ALOX15: variants seen among roughly 807,000 people sequenced by gnomAD.
The protein encoded by ALOX15 is polyunsaturated fatty acid lipoxygenase ALOX15.
In ALOX15, 68 loss-of-function variants were observed where a neutral mutation model predicts 71.7. The ratio of observed to expected loss-of-function variants is 0.95; its 90% CI spans 0.78 to 1.16. The LOEUF (loss-of-function observed/expected upper bound fraction) is 1.16, where lower values mean the gene tolerates loss of function less well. Among genes scored for constraint, ALOX15 ranks in the 50% most tolerant of loss-of-function variants. The probability of loss-of-function intolerance (pLI) is 0.00; values close to 1 mark genes in which losing one functional copy is unlikely to be tolerated. For synonymous variants in ALOX15, 346 were observed against 333.3 expected, an observed-to-expected ratio of 1.04 and a Z score of -0.42; for missense variants, 798 against 818.8, an observed-to-expected ratio of 0.97 and a Z score of 0.31.
intron 7 of ALOX15, among the ~76,000 whole-genome samples, chr17:4,636,283 A>G (rs968820409): frequency 2.6e-5 from 4 of 152,004 alleles, no homozygotes; most frequent in African/African-American, 9.7e-5. Flanking sequence ...TCCATCCCAC[A>G]CTGTTTTTTG....
chr17:4,639,306 C>T, intron 2 of ALOX15, 124 bp downstream of exon 2: 7 of 1,395,924 alleles, frequency 5.0e-6, no homozygotes, highest in Non-Finnish European at 6.9e-6. Flanking sequence ...CCCTTCGACA[C>T]CCCCAAAGAC....
chr17:4,639,348 T>G, intron 2 of ALOX15, 82 bp downstream of exon 2: 1 of 1,542,618 alleles, frequency 6.5e-7, no homozygotes, highest in Non-Finnish European at 8.8e-7. Flanking sequence ...ACCCCCATCC[T>G]GCGCCCTCTT....
chr17:4,634,577 C>T (rs926865885), intron 8 of ALOX15, among the ~76,000 whole-genome samples: 3 of 151,932 alleles, frequency 2.0e-5, no homozygotes, highest in Non-Finnish European at 4.4e-5. Flanking sequence ...AATCTCACTC[C>T]ACCTCATTAA....
chr17:4,639,088 GGT>G lies in ALOX15; in HGVS notation c.380_381del (p.His127ProfsTer32), dbSNP rs1287266810. 18 of 1,614,146 alleles carry G rather than the reference GGT, an allele frequency of 1.1e-5. No individual in the cohort carries two copies. Among genetic ancestry groups the G allele is most frequent in the Non-Finnish European group, 1.4e-5 (17 of 1,180,014 alleles). On this transcript the variant is annotated frameshift_variant, in exon 3 of 14. Coordinates refer to ENST00000293761, the MANE Select transcript of ALOX15 (RefSeq NM_001140.5). LOFTEE classifies it high-confidence loss of function. The part of the protein sequence containing the change: ...GEDPQGLFQK[H>X]REEELEERRK... ...CTTCTCTCTTCCAGCTCTTCTTCCC[GGT>G]GTTTCTGGAACAGGCCCTGAGGGTC...
chr17:4,635,619 C>T (rs538451486), intron 8 of ALOX15, 140 bp downstream of exon 8: 1 of 814,472 alleles, frequency 1.2e-6, no homozygotes, highest in South Asian at 1.7e-5. Flanking sequence ...CAGCCCTGCT[C>T]ATTCTCTGTT....
rs138342123 is a variant in ALOX15 at position 4,632,004 on chromosome 17, G to A, written c.1694C>T (p.Pro565Leu). The change falls in exon 13 of 14, where the codon CCG becomes CTG. Residue 565 changes from proline (P) to leucine (L), a missense_variant. Physicochemically the swap from Pro to Leu is moderately conservative, Grantham distance 98. Coordinates refer to ENST00000293761, the MANE Select transcript of ALOX15 (RefSeq NM_001140.5). ...PNAPCTMRLPPPTTKDATLET... is the reference protein window; with the variant it reads ...PNAPCTMRLPLPTTKDATLET... ...CAGCGTTGCATCCTTGGTGGTTGGC[G>A]GGGGCAGCCGCATCGTGCAGGGTGC... The A allele has an allele frequency of 4.9e-4, 788 of 1,613,846 alleles. 1 individual carries two copies. The highest frequency in any genetic ancestry group is 6.1e-4 in the Non-Finnish European group (721 of 1,179,966).
rs138472652 is a variant in ALOX15, at chr17:4,631,891, T to C, written c.1807A>G (p.Met603Val). ...GGCCCTGGGCACTCAGCTCTCACCA[T>C]AACGGGCTGGCGTCTGCCCAGCTGC... ...TWQLGRRQPV[M>V]VAVGQHEEEY... The change falls in exon 13 of 14, where the codon ATG (methionine) becomes GTG (valine). Residue 603 changes from methionine (M) to valine (V), a missense_variant and splice_region_variant. Around this residue, in one of 3 missense-constraint regions of ALOX15, gnomAD observed 490 missense variants for 509.4 expected, o/e 0.96. Coordinates refer to ENST00000293761, the MANE Select transcript of ALOX15 (RefSeq NM_001140.5). The C allele has an allele frequency of 1.7e-3, 2,712 of 1,611,296 alleles. 5 individuals are homozygous for C. Among genetic ancestry groups the C allele is most frequent in the Middle Eastern group, 2.2e-3 (13 of 6,044 alleles).
chr17:4,631,809 G>T lies in ALOX15; in HGVS notation c.1810-30C>A. ...GAGGGAGAGGAAAAGGTGGCTGAGA[G>T]CCTTATGACCCCCAGTCTGGGATGC... On this transcript the variant is annotated intron_variant, in intron 13 of 13. Transcript: ENST00000293761. The T allele has an allele frequency of 1.9e-6, 3 of 1,612,864 alleles. No individual in the cohort carries two copies. The South Asian group carries it at 3.3e-5, about 18-fold the overall frequency.
chr17:4,631,543 A>G lies in ALOX15; in HGVS notation c.*57T>C. 6.3e-7 allele frequency: 1 copy of G among 1,596,574 alleles called. No homozygotes were observed. The highest frequency in any genetic ancestry group is 1.3e-5 in the African/African-American group (1 of 74,780). The stretch of plus-strand genomic sequence containing the variant: ...TGGGAGGGCAGGGCTATAACCACGA[A>G]GGGGTCAGCTTGTGGCTTGGGTGAT... On this transcript the variant is annotated 3_prime_UTR_variant, in exon 14 of 14. Coordinates refer to ENST00000293761, the MANE Select transcript of ALOX15 (RefSeq NM_001140.5).
intron 8 of ALOX15, among the ~76,000 whole-genome samples, chr17:4,635,189 G>A (rs1257795452): frequency 6.6e-6 from 1 of 151,836 alleles, no homozygotes; most frequent in Non-Finnish European, 1.5e-5. Context: ...CCAGCACTTT[G>A]GGAGACCTAG....
At position 4,633,519 on chromosome 17, in the gene ALOX15, G is replaced by A; in HGVS notation, c.1162-19C>T. 5.0e-6 allele frequency: 8 copies of A among 1,604,050 alleles called. No individual in the cohort carries two copies. The highest frequency in any genetic ancestry group is 6.8e-6 in the Non-Finnish European group (8 of 1,171,008). On this transcript the variant is annotated intron_variant, in intron 8 of 13. Transcript: ENST00000293761. ...TTATAAGCTAGAGGGAGAAACACAG[G>A]GAAGGGCAGAGTCAGAGGAGAGCTG...
At chr17:4,634,404 G>A (rs11568118) in intron 8 of ALOX15, among the ~76,000 whole-genome samples, 3 of 151,716 alleles carry the variant, frequency 2.0e-5, no homozygotes, top group Admixed American at 6.6e-5. Flanking sequence ...CTGGGTTCAC[G>A]CGATTCTCCT....
At position 4,631,180 on chromosome 17, in the gene ALOX15, G is replaced by A. The variant is rs1013988139; in HGVS notation, c.*420C>T. The A allele has an allele frequency of 3.7e-5, 6 of 162,304 alleles. No individual in the cohort carries two copies. Among genetic ancestry groups the A allele is most frequent in the Admixed American group, 1.8e-4 (3 of 17,092 alleles). The allele number at this position is 162,304 out of a possible 1,614,324, so 10.1% of individuals were successfully genotyped here. ...GGACGCTGAGGCTGCAGTGAGCCGT[G>A]GTGATGGCACCACTGCACTCCAGCC... On this transcript the variant is annotated 3_prime_UTR_variant, in exon 14 of 14. Transcript: ENST00000293761.
Position 4,641,531 on chromosome 17 carries a change from G to A in ALOX15, c.121C>T (p.Pro41Ser). 2 of 1,613,026 alleles carry A rather than the reference G, an allele frequency of 1.2e-6. No individual in the cohort carries two copies. Among genetic ancestry groups the A allele is most frequent in the Non-Finnish European group, 1.7e-6 (2 of 1,179,854 alleles). Residue 41 changes from proline (P) to serine (S), a missense_variant, in exon 1 of 14, where the codon CCC becomes TCC. By Grantham distance (74) the Pro-to-Ser change is moderately conservative (BLOSUM62 -1). Coordinates refer to ENST00000293761, the MANE Select transcript of ALOX15 (RefSeq NM_001140.5). ...GGGGAGCTCACCTTGCCCCGTGCGGGCCACAGTCGCTTCCCGAGCGCCGCC... is the reference window on the plus strand; with the variant it reads ...GGGGAGCTCACCTTGCCCCGTGCGGACCACAGTCGCTTCCCGAGCGCCGCC... ...GEAALGKRLW[P>S]ARGKETELKV...
chr17:4,637,333 A>AAG, intron 6 of ALOX15, 75 bp from the exon 7 acceptor site: 1 of 1,504,446 alleles, frequency 6.6e-7, no homozygotes, highest in Non-Finnish European at 9.0e-7. Flanking sequence ...TCCAAGGGGG[A>AAG]AGAGAGTGGA....
chr17:4,633,216 G>T lies in ALOX15; in HGVS notation c.1348C>A (p.Arg450=). 1 of 1,614,182 alleles carries T rather than the reference G, an allele frequency of 6.2e-7. No homozygotes were observed. The change falls in exon 10 of 14, where the codon CGG becomes AGG. Residue 450 remains arginine (R), a synonymous_variant. Transcript: ENST00000293761. ...SFCPPDDLAD[R]GLLGVKSSFY... is the part of the protein sequence containing the mutation. ...GAAGACTTCACTCCCAGGAGCCCCC[G>T]GTCGGCCAAGTCATCAGGGGGACAG...
In ALOX15 at chr17:4,639,496, C is replaced by A; in HGVS notation, c.271G>T (p.Glu91Ter). The A allele has an allele frequency of 6.2e-7, 1 of 1,613,992 alleles. No individual in the cohort carries two copies. Among genetic ancestry groups the A allele is most frequent in the Non-Finnish European group, 8.5e-7 (1 of 1,180,032 alleles). Reference protein sequence around the residue: ...ISVQGPGAGDEVRFPCYRWVE... With the variant: ...ISVQGPGAGD The stretch of plus-strand genomic sequence containing the variant: ...CAGCGGTAACAAGGGAACCTGACCT[C>A]GTCCCCGGCTCCGGGGCCCTGCACA... Residue 91 changes from glutamate (E) to a stop codon, truncating the protein, a stop_gained, in exon 2 of 14, where the codon GAG (glutamate) becomes TAG (stop). Coordinates refer to ENST00000293761, the MANE Select transcript of ALOX15 (RefSeq NM_001140.5). LOFTEE classifies it high-confidence loss of function.
chr17:4,632,985 A>C lies in ALOX15; in HGVS notation c.1419-3T>G, dbSNP rs768941938. 5.6e-6 allele frequency: 9 copies of C among 1,613,952 alleles called. No homozygotes were observed. The highest frequency in any genetic ancestry group is 1.6e-4 in the Middle Eastern group (1 of 6,062). Reference sequence around the variant, plus strand: ...GACTCACGATTCCTTCCACATACCTACCAACCAACGGAGCAGGGCCAGGGA... The same window carrying C: ...GACTCACGATTCCTTCCACATACCTCCCAACCAACGGAGCAGGGCCAGGGA... On this transcript the variant is annotated splice_polypyrimidine_tract_variant and splice_region_variant and intron_variant, in intron 10 of 13. Coordinates refer to ENST00000293761, the MANE Select transcript of ALOX15 (RefSeq NM_001140.5).
rs754229806 is a variant in ALOX15, at chr17:4,633,483, C to T, written c.1179G>A (p.Leu393=). ...GGACGTTAATTTCCAGGGTGTATCG[C>T]AGGTGGGGAATTATAAGCTAGAGGG... ...HPIFKLIIPH[L]RYTLEINVRA... Residue 393 remains leucine, a synonymous_variant, in exon 9 of 14, where the codon CTG becomes CTA. Transcript: ENST00000293761. The T allele has an allele frequency of 2.2e-5, 36 of 1,613,968 alleles. No homozygotes were observed. The highest frequency in any genetic ancestry group is 3.0e-5 in the Non-Finnish European group (35 of 1,179,998).
Sources: gnomAD v4.1 joint callset for allele counts (sites outside exome capture counted in the v4.1 genomes callset) on GRCh38, gnomAD v4.1.1 for gene constraint, gnomAD v4.1.1 regional missense constraint, MANE v1.5 for transcripts, NCBI Gene and HGNC (gene_info 2026-07-23, HGNC 2026-07-21) for gene names.